EEA1: variants seen among roughly 807,000 people sequenced by gnomAD.
EEA1 encodes early endosome antigen 1.
EEA1 carries 111 observed loss-of-function variants against 209.2 expected under a neutral mutation model. That is an observed-to-expected ratio of 0.53 (90% CI 0.45 to 0.62). The LOEUF (loss-of-function observed/expected upper bound fraction) is 0.62. EEA1 is among the 20% of genes least tolerant of loss of function. EEA1 has a pLI of 0.00. For synonymous variants in EEA1, 536 were observed against 540.6 expected (o/e 0.99, Z 0.12); for missense variants, 1,343 against 1,530.8 (o/e 0.88, Z 2.05).
At chr12:92,913,007 T>C (rs531630013) in intron 1 of EEA1, among the ~76,000 whole-genome samples, 1 of 152,250 alleles carries the variant, frequency 6.6e-6, no homozygotes, top group African/African-American at 2.4e-5. Flanking sequence ...TAAATAGCCA[T>C]GTGCAGCTGT....
chr12:92,890,573 T>A (rs1345355748), intron 2 of EEA1, among the ~76,000 whole-genome samples: 1 of 152,174 alleles, frequency 6.6e-6, no homozygotes, highest in East Asian at 1.9e-4. Flanking sequence ...CACTGCTCAA[T>A]ACCAATACCC....
chr12:92,788,727 A>G (rs1286241568), intron 21 of EEA1, among the ~76,000 whole-genome samples: 1 of 152,220 alleles, frequency 6.6e-6, no homozygotes, highest in Non-Finnish European at 1.5e-5. Flanking sequence ...AGTGACTGCC[A>G]TGTTCCAAAA....
intron 17 of EEA1, among the ~76,000 whole-genome samples, chr12:92,810,330 C>T (rs1371447986): frequency 6.6e-6 from 1 of 152,084 alleles, no homozygotes; most frequent in African/African-American, 2.4e-5. Flanking sequence ...AATAAAAACT[C>T]AGTTCTAAAT....
chr12:92,828,578 T>C (rs1876432790), intron 11 of EEA1, among the ~76,000 whole-genome samples: 1 of 149,722 alleles, frequency 6.7e-6, no homozygotes, highest in Admixed American at 6.7e-5. Flanking sequence ...ATACAGGAAA[T>C]GATCATATAT....
chr12:92,929,148 GA>G lies in EEA1; in HGVS notation c.-83del. ...CTCACTACTCGGGGTGCGCGGGCGG[GA>G]GGGACTGGGCCGGGAGGGGACCGGG... On this transcript the variant is annotated 5_prime_UTR_variant, in exon 1 of 29. Coordinates refer to ENST00000322349, the MANE Select transcript of EEA1 (RefSeq NM_003566.4). The G allele has an allele frequency of 1.4e-6, 2 of 1,397,174 alleles. No individual in the cohort carries two copies. Among genetic ancestry groups the G allele is most frequent in the Non-Finnish European group, 2.0e-6 (2 of 1,021,532 alleles). 86.5% of individuals were successfully genotyped at this position (1,397,174 alleles called of 1,614,324 possible). A position where few individuals can be genotyped will look rare whatever the true frequency, so the allele number is the denominator to read the frequency against.
At chr12:92,785,806 C>A (rs1874105767) in intron 22 of EEA1, among the ~76,000 whole-genome samples, 1 of 152,138 alleles carries the variant, frequency 6.6e-6, no homozygotes, top group African/African-American at 2.4e-5. Context: ...TATCCAAGGT[C>A]CCTTAACAGT....
At chr12:92,926,622 G>C (rs189724183) in intron 1 of EEA1, among the ~76,000 whole-genome samples, 1 of 152,058 alleles carries the variant, frequency 6.6e-6, no homozygotes, top group Non-Finnish European at 1.5e-5. Context: ...GGACTCTTAC[G>C]TCCTCTCACA....
At chr12:92,800,457 C>T (rs1874856900) in intron 20 of EEA1, among the ~76,000 whole-genome samples, 1 of 152,172 alleles carries the variant, frequency 6.6e-6, no homozygotes, top group African/African-American at 2.4e-5. Context: ...CCTAGCATTA[C>T]ATTCAAGCAT....
chr12:92,796,952 T>G (rs1383212385), intron 21 of EEA1, among the ~76,000 whole-genome samples: 1 of 152,240 alleles, frequency 6.6e-6, no homozygotes, highest in Admixed American at 6.5e-5. Context: ...TGTCCAAATT[T>G]AACAAAATTA....
At position 92,851,294 on chromosome 12, in the gene EEA1, A is replaced by C. The variant is rs771784531; in HGVS notation, c.643-28T>G. ...GTGAAACAACACATTTTAATTAAAA[A>C]TTAAAGTGAAAAACTAAAATAATAC... On this transcript the variant is annotated intron_variant, in intron 8 of 28. Coordinates refer to ENST00000322349, the MANE Select transcript of EEA1 (RefSeq NM_003566.4). The C allele has an allele frequency of 3.8e-5, 61 of 1,587,194 alleles. 2 individuals are homozygous for C. In the South Asian group the frequency reaches 7.0e-4, roughly 18 times the overall value.
At chr12:92,782,778 T>C (rs190107498) in intron 22 of EEA1, among the ~76,000 whole-genome samples, 22 of 152,338 alleles carry the variant, frequency 1.4e-4, no homozygotes, top group Admixed American at 3.3e-4. Flanking sequence ...CACTGGTCCC[T>C]AGGCAGGCCT....
chr12:92,888,057 T>G (rs1369208109), intron 2 of EEA1, among the ~76,000 whole-genome samples: 2 of 152,004 alleles, frequency 1.3e-5, no homozygotes, highest in African/African-American at 4.8e-5. Context: ...ATCCCTTCAA[T>G]AGAACCAAAT....
chr12:92,905,407 G>C (rs1032612158), intron 1 of EEA1: 3 of 151,424 alleles, frequency 2.0e-5, no homozygotes, highest in Admixed American at 6.6e-5. Flanking sequence ...AGACCAGCCT[G>C]GCCAACATGG....
chr12:92,828,753 C>T, intron 11 of EEA1, among the ~76,000 whole-genome samples: 1 of 151,956 alleles, frequency 6.6e-6, no homozygotes, highest in East Asian at 1.9e-4. Flanking sequence ...AATCAGTGTT[C>T]CTTCCTACCT....
intron 21 of EEA1, among the ~76,000 whole-genome samples, chr12:92,794,335 A>T (rs1389532340): frequency 6.6e-6 from 1 of 152,216 alleles, no homozygotes; most frequent in East Asian, 1.9e-4. Flanking sequence ...TTCCTCAAGG[A>T]TCTAGAACTA....
chr12:92,858,867 G>T (rs1039876772), intron 3 of EEA1: 2 of 728,812 alleles, frequency 2.7e-6, no homozygotes, highest in Admixed American at 1.8e-5. Flanking sequence ...ATGCTGGTTT[G>T]TATGACTGGA....
intron 17 of EEA1, 69 bp downstream of exon 17, chr12:92,811,210 T>C (rs1875480214): frequency 2.8e-6 from 3 of 1,082,240 alleles, no homozygotes; most frequent in Non-Finnish European, 3.6e-6. Context: ...TTTGATTCCA[T>C]GTAGGTCATG....
intron 3 of EEA1, among the ~76,000 whole-genome samples, chr12:92,862,875 T>A (rs559110843): frequency 6.6e-6 from 1 of 152,266 alleles, no homozygotes; most frequent in East Asian, 1.9e-4. Context: ...ATGACACCAT[T>A]CTCCAGAAGA....
chr12:92,928,959 G>A lies in EEA1; in HGVS notation c.24+84C>T. ...GGGCCTAGGGAAGGAAGGAGCCCGC[G>A]CTGAGGAGGGGCGCCCGCGCCGCGG... On this transcript the variant is annotated intron_variant, in intron 1 of 28. Transcript: ENST00000322349. 6 of 1,441,592 alleles carry A rather than the reference G, an allele frequency of 4.2e-6. No homozygotes were observed. In the South Asian group the frequency reaches 7.5e-5, roughly 18 times the overall value. The allele number at this position is 1,441,592 out of a possible 1,614,324, so 89.3% of individuals were successfully genotyped here. A position where few individuals can be genotyped will look rare whatever the true frequency, so the allele number is the denominator to read the frequency against.
Sources: allele counts gnomAD v4.1 joint callset (sites outside exome capture counted in the v4.1 genomes callset), GRCh38; gene constraint gnomAD v4.1.1; transcripts MANE v1.5; gene names NCBI Gene and HGNC (gene_info 2026-07-23, HGNC 2026-07-21).